The following DCP2 variants were observed in gnomAD, a reference collection of about 807,000 sequenced individuals.
DCP2 encodes m7GpppN-mRNA hydrolase.
Under a neutral mutation model 56.1 loss-of-function variants are expected in DCP2, and 30 were observed. The ratio of observed to expected loss-of-function variants is 0.53; its 90% CI spans 0.40 to 0.73. The LOEUF (loss-of-function observed/expected upper bound fraction) is 0.73. DCP2 is among the 30% of genes least tolerant of loss of function. The pLI, the probability that DCP2 is intolerant of heterozygous loss-of-function variation, is 0.00. For missense variants in DCP2, 533 were observed against 502.7 expected (o/e 1.06, Z -0.58); for synonymous variants, 197 against 163.3 (o/e 1.21, Z -1.57).
chr5:113,016,950 T>A lies in DCP2; in HGVS notation c.*3466T>A, dbSNP rs908147950. The A allele has an allele frequency of 6.6e-6, 1 of 151,346 alleles. No homozygotes were observed. Among genetic ancestry groups the A allele is most frequent in the Non-Finnish European group, 1.5e-5 (1 of 67,972 alleles). 9.4% of individuals were successfully genotyped at this position (151,346 alleles called of 1,614,324 possible). A position where few individuals can be genotyped will look rare whatever the true frequency, so the allele number is the denominator to read the frequency against. ...TACGCCTCCCGGGTTCAAGTGATTCTCCTGCCTCAGCCTCCCAAGTAGCTG... is the reference window on the plus strand; with the variant it reads ...TACGCCTCCCGGGTTCAAGTGATTCACCTGCCTCAGCCTCCCAAGTAGCTG... On this transcript the variant is annotated 3_prime_UTR_variant, in exon 11 of 11. Transcript: ENST00000389063.
intron 4 of DCP2, among the ~76,000 whole-genome samples, chr5:112,994,452 G>A (rs10043571): frequency 0.018 from 2,765 of 152,118 alleles, 40 homozygotes; most frequent in Non-Finnish European, 0.031. Flanking sequence ...GATTACAGGC[G>A]TGAGCCACTG....
At chr5:112,992,865 A>T in intron 4 of DCP2, 95 bp downstream of exon 4, 1 of 839,818 alleles carries the variant, frequency 1.2e-6, no homozygotes, top group Non-Finnish European at 1.7e-6. Context: ...GGACTGTCTT[A>T]ACCCTTTCCA....
At chr5:113,005,151 G>GGTGTGGGGGTGTGTGTGT (rs1554101205) in intron 8 of DCP2, among the ~76,000 whole-genome samples, 80 of 149,520 alleles carry the variant, frequency 5.4e-4, no homozygotes, top group African/African-American at 1.9e-3. Context: ...TGTGCGTGTG[G>GGTGTGGGGGTGTGTGTGT]GTGTGTGTGT....
rs1367936358 is a variant in DCP2, at chr5:113,017,296, AAAAC to A, written c.*3817_*3820del. On this transcript the variant is annotated 3_prime_UTR_variant, in exon 11 of 11. Transcript: ENST00000389063. ...TTGTTGTAACTTTAGATTACTAAAC[AAAAC>A]AAACTGTTTTTTTGTTTGAAGGTAT... is the stretch of plus-strand genomic sequence containing the variant. 6 of 151,798 alleles carry A rather than the reference AAAAC, an allele frequency of 4.0e-5. No individual in the cohort carries two copies. Among genetic ancestry groups the A allele is most frequent in the African/African-American group, 1.5e-4 (6 of 41,178 alleles). The allele number at this position is 151,798 out of a possible 1,614,324, so 9.4% of individuals were successfully genotyped here.
In DCP2 at chr5:113,004,090, C is replaced by T. The variant is rs1398389551; in HGVS notation, c.942+13C>T. 3 of 1,600,176 alleles carry T rather than the reference C, an allele frequency of 1.9e-6. No individual in the cohort carries two copies. The highest frequency in any genetic ancestry group is 2.6e-6 in the Non-Finnish European group (3 of 1,176,058). ...TTTAAAAGGAAAGGTGAGTGATACA[C>T]AATTACAGTCTTTTCAGAAATTTAG... On this transcript the variant is annotated intron_variant, in intron 8 of 10. Coordinates refer to ENST00000389063, the MANE Select transcript of DCP2 (RefSeq NM_152624.6).
chr5:113,020,927 T>TATCA lies in DCP2; in HGVS notation c.*7446_*7449dup, dbSNP rs1232092441. ...TTGTGTTAGATTGTTTGTAATGTAC[T>TATCA]ATCAATAAAATTGGCTGCTTGGGCG... On this transcript the variant is annotated 3_prime_UTR_variant, in exon 11 of 11. Transcript: ENST00000389063. 5.3e-5 allele frequency: 8 copies of TATCA among 152,362 alleles called. No homozygotes were observed. The South Asian group carries it at 6.2e-4, about 12-fold the overall frequency. 9.4% of individuals were successfully genotyped at this position (152,362 alleles called of 1,614,324 possible). A position where few individuals can be genotyped will look rare whatever the true frequency, so the allele number is the denominator to read the frequency against.
rs564861668 is a variant in DCP2 at position 113,009,921 on chromosome 5, CT to C, written c.1048-821del. On this transcript the variant is annotated intron_variant, in intron 9 of 10. Coordinates refer to ENST00000389063, the MANE Select transcript of DCP2 (RefSeq NM_152624.6). ...AATGTAATGAATAATCTTTTTTTTC[CT>C]TTTTTTTTTTTTTGAGACAGGGTCT... Among the ~76,000 whole-genome samples, 522 of 136,018 alleles carry C rather than the reference CT, an allele frequency of 3.8e-3. 2 individuals carry two copies. Among genetic ancestry groups the C allele is most frequent in the Middle Eastern group, 7.5e-3 (2 of 268 alleles). 89.2% of individuals were successfully genotyped at this position (136,018 alleles called of 152,430 possible). A position where few individuals can be genotyped will look rare whatever the true frequency, so the allele number is the denominator to read the frequency against.
At chr5:112,977,214 A>G (rs1384430160) in intron 1 of DCP2, among the ~76,000 whole-genome samples, 2 of 151,614 alleles carry the variant, frequency 1.3e-5, no homozygotes, top group East Asian at 3.9e-4. Flanking sequence ...AACACCCGGA[A>G]TTTCCTCATT....
rs571197606 is a variant in DCP2, at chr5:113,013,233, T to TA, written c.1100-86dup. 1.5e-3 allele frequency: 2,033 copies of TA among 1,369,164 alleles called. 18 individuals carry two copies. The African/African-American group carries it at 0.024, about 16-fold the overall frequency. 84.8% of individuals were successfully genotyped at this position (1,369,164 alleles called of 1,614,324 possible). A position where few individuals can be genotyped will look rare whatever the true frequency, so the allele number is the denominator to read the frequency against. On this transcript the variant is annotated intron_variant, in intron 10 of 10. Transcript: ENST00000389063. ...GGGAAGATAAATATATACTCAAAAC[T>TA]AATTGTTTTGTAACAAAAGGCAAAG...
At chr5:113,010,034 CT>C (rs532353785) in intron 9 of DCP2, among the ~76,000 whole-genome samples, 2,387 of 127,546 alleles carry the variant, frequency 0.019, 33 homozygotes, top group Non-Finnish European at 0.027. Context: ...TGCCTCAGCT[CT>C]TTTTTTTTTT....
intron 7 of DCP2, among the ~76,000 whole-genome samples, 189 bp downstream of exon 7, chr5:113,001,863 TG>T (rs1258744207): frequency 6.6e-6 from 1 of 152,142 alleles, no homozygotes; most frequent in Admixed American, 6.6e-5. Context: ...TAATTGGAGT[TG>T]GAAAGGAGCT....
At chr5:112,991,177 A>G (rs1322267671) in intron 2 of DCP2, among the ~76,000 whole-genome samples, 5 of 152,210 alleles carry the variant, frequency 3.3e-5, no homozygotes, top group Non-Finnish European at 1.5e-5. Flanking sequence ...ATAATTGAAT[A>G]TATGCTCAGA....
At chr5:113,003,112 TA>T (rs1370496582) in intron 7 of DCP2, among the ~76,000 whole-genome samples, 17 of 151,974 alleles carry the variant, frequency 1.1e-4, no homozygotes, top group Non-Finnish European at 1.9e-4. Flanking sequence ...GAGCTTGGAC[TA>T]AATGCCCTGA....
At chr5:112,995,466 A>T (rs1748804457) in intron 4 of DCP2, among the ~76,000 whole-genome samples, 1 of 152,196 alleles carries the variant, frequency 6.6e-6, no homozygotes, top group South Asian at 2.1e-4. Flanking sequence ...GACTGGTCTA[A>T]CGGCAGTAAG....
At chr5:112,977,121 C>T (rs1184721137) in intron 1 of DCP2, 135 bp downstream of exon 1, 5 of 619,136 alleles carry the variant, frequency 8.1e-6, no homozygotes, top group Non-Finnish European at 1.3e-5. Flanking sequence ...CGCTTTCCAT[C>T]GTCGACCCTG....
rs1580784381 is a variant in DCP2, at chr5:112,977,381, A to C, written c.53+395A>C. On this transcript the variant is annotated intron_variant, in intron 1 of 10. Transcript: ENST00000389063. ...GTGCACCCCCTCCTCCCTGTGTCTC[A>C]TTCCCCGATTCTGAAGGAAGACCCC... Among the ~76,000 whole-genome samples, 6 of 152,044 alleles carry C rather than the reference A, an allele frequency of 3.9e-5. No individual in the cohort carries two copies. In the South Asian group the frequency reaches 1.2e-3, roughly 32 times the overall value.
chr5:113,007,870 T>C, intron 8 of DCP2, 68 bp from the exon 9 acceptor site: 2 of 1,361,596 alleles, frequency 1.5e-6, no homozygotes, highest in Non-Finnish European at 1.0e-6. Context: ...AACATATTCA[T>C]GGGGTATTTT....
rs746277580 is a variant in DCP2, at chr5:113,007,991, A to G, written c.996A>G (p.Gln332=). 8 of 1,613,996 alleles carry G rather than the reference A, an allele frequency of 5.0e-6. No individual in the cohort carries two copies. Among genetic ancestry groups the G allele is most frequent in the Admixed American group, 1.7e-5 (1 of 59,992 alleles). ...GRKQYQDSPN[Q]KKRTNGLQPA... ...AACAGTATCAAGATTCACCTAATCA[A>G]AAGAAAAGAACAAATGGGCTTCAGC... is the stretch of plus-strand genomic sequence containing the variant. Residue 332 remains glutamine (Q), a synonymous_variant, in exon 9 of 11, where the codon CAA becomes CAG. Coordinates refer to ENST00000389063, the MANE Select transcript of DCP2 (RefSeq NM_152624.6).
chr5:112,988,860 T>C (rs1370943116), intron 2 of DCP2, among the ~76,000 whole-genome samples: 3 of 152,230 alleles, frequency 2.0e-5, no homozygotes, highest in Non-Finnish European at 4.4e-5. Flanking sequence ...ACAGCCCTTC[T>C]AGGGCAACTT....
Sources: gnomAD v4.1 joint callset for allele counts (sites outside exome capture counted in the v4.1 genomes callset) on GRCh38, gnomAD v4.1.1 for gene constraint, MANE v1.5 for transcripts, NCBI Gene and HGNC (gene_info 2026-07-23, HGNC 2026-07-21) for gene names.